Variants in PDGFRL observed in about 807,000 individuals in gnomAD.
PDGFRL encodes the protein platelet-derived growth factor receptor-like protein.
Under a neutral mutation model 37.2 loss-of-function variants are expected in PDGFRL, and 46 were observed. The observed-to-expected ratio is 1.24, with a 90% CI of 0.98 to 1.58. The LOEUF (loss-of-function observed/expected upper bound fraction) is 1.58, where lower values mean the gene tolerates loss of function less well. PDGFRL is among the 40% of genes most tolerant of loss of function. The pLI is 0.00. For synonymous variants in PDGFRL, 251 were observed against 184.3 expected (o/e 1.36, Z -2.93); for missense variants, 692 against 467.6 (o/e 1.48, Z -4.43).
intron 2 of PDGFRL, among the ~76,000 whole-genome samples, chr8:17,590,040 G>C (rs1803901678): frequency 1.3e-5 from 2 of 150,684 alleles, no homozygotes; most frequent in Non-Finnish European, 3.0e-5. Context: ...GGCTATCCTG[G>C]CTAACCCGGT....
rs1448181087 is a variant in PDGFRL, at chr8:17,592,911, TACATGC to T, written c.353+3150_353+3155del. ...TACATTTGTCCTTCTTAAACCCACA[TACATGC>T]ACACACACACACACACACACACACA... is the stretch of plus-strand genomic sequence containing the variant. On this transcript the variant is annotated intron_variant, in intron 2 of 5. Transcript: ENST00000251630. Among the ~76,000 whole-genome samples the T allele has an allele frequency of 1.4e-3, 204 of 148,082 alleles. 2 individuals carry two copies. The East Asian group carries it at 0.026, about 19-fold the overall frequency.
At chr8:17,580,312 C>T (rs1252648170) in intron 1 of PDGFRL, among the ~76,000 whole-genome samples, 2 of 151,232 alleles carry the variant, frequency 1.3e-5, no homozygotes, top group Admixed American at 6.6e-5. Context: ...TTCGTGTCTT[C>T]GTTTATTTTT....
intron 5 of PDGFRL, among the ~76,000 whole-genome samples, chr8:17,638,586 C>G (rs1805020537): frequency 6.6e-6 from 1 of 151,068 alleles, no homozygotes; most frequent in Admixed American, 6.6e-5. Context: ...AGTTTAAATC[C>G]ATTGTTTCTT....
intron 3 of PDGFRL, among the ~76,000 whole-genome samples, chr8:17,623,562 G>T (rs538577101): frequency 6.6e-5 from 10 of 152,230 alleles, no homozygotes; most frequent in Admixed American, 5.9e-4. Flanking sequence ...GCTTAGCTTG[G>T]GCAGAATATC....
chr8:17,620,126 C>T (rs1014421202), intron 2 of PDGFRL, among the ~76,000 whole-genome samples: 1 of 152,082 alleles, frequency 6.6e-6, no homozygotes, highest in African/African-American at 2.4e-5. Flanking sequence ...TCATGCCAGG[C>T]TCATTGTTTA....
At chr8:17,641,775 C>T (rs1426114617) in intron 5 of PDGFRL, among the ~76,000 whole-genome samples, 1 of 151,792 alleles carries the variant, frequency 6.6e-6, no homozygotes, top group Non-Finnish European at 1.5e-5. Flanking sequence ...GGCCTATGGG[C>T]TGTGATTGGT....
At chr8:17,597,492 T>A (rs1804079010) in intron 2 of PDGFRL, among the ~76,000 whole-genome samples, 1 of 152,168 alleles carries the variant, frequency 6.6e-6, no homozygotes, top group African/African-American at 2.4e-5. Flanking sequence ...GAAGGAGATC[T>A]AATGAACTTT....
chr8:17,625,875 G>A (rs990089527), intron 3 of PDGFRL, among the ~76,000 whole-genome samples: 1 of 152,054 alleles, frequency 6.6e-6, no homozygotes, highest in Admixed American at 6.6e-5. Flanking sequence ...CGTGCCTGTA[G>A]TCCCAGCTAC....
chr8:17,628,833 G>T, intron 4 of PDGFRL, 53 bp downstream of exon 4: 1 of 1,262,578 alleles, frequency 7.9e-7, no homozygotes, highest in Non-Finnish European at 1.2e-6. Context: ...GTCAGTTTCA[G>T]GTACTGCTGT....
intron 3 of PDGFRL, among the ~76,000 whole-genome samples, chr8:17,625,586 TTG>T (rs1395394078): frequency 1.3e-5 from 2 of 152,222 alleles, no homozygotes; most frequent in Non-Finnish European, 2.9e-5. Context: ...CTTCAACACT[TTG>T]TTATTGTTGA....
intron 2 of PDGFRL, among the ~76,000 whole-genome samples, chr8:17,602,634 G>C (rs1804190413): frequency 6.6e-6 from 1 of 152,174 alleles, no homozygotes; most frequent in African/African-American, 2.4e-5. Flanking sequence ...ATTTAGGGTA[G>C]CTCTTTGGAT....
chr8:17,595,051 T>G (rs950781572), intron 2 of PDGFRL, among the ~76,000 whole-genome samples: 1 of 152,176 alleles, frequency 6.6e-6, no homozygotes, highest in African/African-American at 2.4e-5. Flanking sequence ...TTTTACTGTT[T>G]GTGTTTTGAA....
At chr8:17,639,345 TTTA>T (rs1330208483) in intron 5 of PDGFRL, among the ~76,000 whole-genome samples, 1 of 152,146 alleles carries the variant, frequency 6.6e-6, no homozygotes, top group Non-Finnish European at 1.5e-5. Flanking sequence ...TATTTATTTA[TTTA>T]TTGTGTTTTT....
intron 3 of PDGFRL, among the ~76,000 whole-genome samples, chr8:17,625,336 G>A (rs1404263747): frequency 1.3e-5 from 2 of 152,188 alleles, no homozygotes; most frequent in Non-Finnish European, 2.9e-5. Context: ...ATTTTTAGCA[G>A]AGATGGGGTT....
intron 2 of PDGFRL, among the ~76,000 whole-genome samples, chr8:17,600,972 G>T (rs1178592226): frequency 6.6e-6 from 1 of 151,938 alleles, no homozygotes; most frequent in Non-Finnish European, 1.5e-5. Context: ...ACAGAGCAAG[G>T]CCCATCTCTA....
chr8:17,592,206 A>G (rs1803954804), intron 2 of PDGFRL, among the ~76,000 whole-genome samples: 1 of 152,204 alleles, frequency 6.6e-6, no homozygotes, highest in Non-Finnish European at 1.5e-5. Context: ...TTACCATGAA[A>G]AGTAATGATG....
Position 17,642,610 on chromosome 8 carries a change from C to G in PDGFRL, c.940-3C>G, listed in dbSNP as rs17633132. The stretch of plus-strand genomic sequence containing the variant: ...TTCAGTCTTTGTGGGTGTCGTTAAA[C>G]AGGATGAAAGGCCTGTGACGATCCA... On this transcript the variant is annotated splice_polypyrimidine_tract_variant and splice_region_variant and intron_variant, in intron 5 of 5. Transcript: ENST00000251630. The G allele has an allele frequency of 2.5e-6, 4 of 1,594,630 alleles. No individual in the cohort carries two copies. Among genetic ancestry groups the G allele is most frequent in the African/African-American group, 1.3e-5 (1 of 74,532 alleles).
Position 17,628,599 on chromosome 8 carries a change from G to C in PDGFRL, c.618G>C (p.Thr206=). Residue 206 remains threonine (T), a synonymous_variant, in exon 4 of 6, where the codon ACG becomes ACC. Transcript: ENST00000251630. Reference sequence around the variant, plus strand: ...TGACCGTGCTGTCGGCCAAAGTCACGCTCCACAGGGAATTCCCAGCCAAGG... The same window carrying C: ...TGACCGTGCTGTCGGCCAAAGTCACCCTCCACAGGGAATTCCCAGCCAAGG... The part of the protein sequence containing the change: ...CRVTVLSAKV[T]LHREFPAKEI... 1 of 1,614,122 alleles carries C rather than the reference G, an allele frequency of 6.2e-7. No individual in the cohort carries two copies. Among genetic ancestry groups the C allele is most frequent in the South Asian group, 1.1e-5 (1 of 91,082 alleles).
intron 1 of PDGFRL, among the ~76,000 whole-genome samples, chr8:17,577,976 G>A (rs199628597): frequency 6.6e-6 from 1 of 151,900 alleles, no homozygotes; most frequent in Non-Finnish European, 1.5e-5. Flanking sequence ...ACCGCTGCGC[G>A]TTTTTGAATG....
Sources: allele counts gnomAD v4.1 joint callset (sites outside exome capture counted in the v4.1 genomes callset), GRCh38; gene constraint gnomAD v4.1.1; transcripts MANE v1.5; gene names NCBI Gene and HGNC (gene_info 2026-07-23, HGNC 2026-07-21).